CTNND2: variants seen among roughly 807,000 people sequenced by gnomAD.
CTNND2 encodes the protein catenin delta 2, also known as catenin delta-2.
Under a neutral mutation model 144.4 loss-of-function variants are expected in CTNND2, and 22 were observed. The ratio of observed to expected loss-of-function variants is 0.15; its 90% confidence interval spans 0.11 to 0.22. The LOEUF (loss-of-function observed/expected upper bound fraction) is 0.22. Among genes scored for constraint, CTNND2 ranks in the 10% least tolerant of loss-of-function variants. The pLI is 1.00. For missense variants in CTNND2, 1,353 were observed against 1,618.8 expected (o/e 0.84, Z 2.82); for synonymous variants, 751 against 695.6 (o/e 1.08, Z -1.25).
At chr5:11,282,939 C>T (rs746402624) in intron 9 of CTNND2, among the ~76,000 whole-genome samples, 4 of 152,248 alleles carry the variant, frequency 2.6e-5, no homozygotes, top group East Asian at 1.9e-4. Context: ...AAACTTGCCT[C>T]GTTCTAGCAC....
intron 2 of CTNND2, among the ~76,000 whole-genome samples, chr5:11,719,831 TATACACACAC>T (rs1269812559): frequency 2.0e-4 from 22 of 109,484 alleles, no homozygotes; most frequent in African/African-American, 7.9e-4. Context: ...AGCTCTGACA[TATACACACAC>T]ACACACACAC....
chr5:11,862,278 T>C (rs377269471), intron 1 of CTNND2, among the ~76,000 whole-genome samples: 7 of 152,340 alleles, frequency 4.6e-5, no homozygotes, highest in African/African-American at 1.7e-4. Flanking sequence ...GAATAATTTA[T>C]GGAAAATAGA....
intron 9 of CTNND2, among the ~76,000 whole-genome samples, chr5:11,341,036 T>TA (rs1214449123): frequency 6.6e-6 from 1 of 152,188 alleles, no homozygotes. Flanking sequence ...AAGTAACACT[T>TA]ACTCTCTTTC....
intron 1 of CTNND2, among the ~76,000 whole-genome samples, chr5:11,792,752 A>G (rs1402948035): frequency 6.6e-6 from 1 of 152,242 alleles, no homozygotes; most frequent in Non-Finnish European, 1.5e-5. Flanking sequence ...TAAAACAGCA[A>G]TGTCCTCTTA....
intron 5 of CTNND2, among the ~76,000 whole-genome samples, chr5:11,399,858 C>T (rs76360369): frequency 1.3e-5 from 2 of 152,196 alleles, no homozygotes; most frequent in East Asian, 3.8e-4. Context: ...ATAGCCAAAA[C>T]CATGTATGCA....
At chr5:11,378,451 T>C (rs1185396931) in intron 7 of CTNND2, among the ~76,000 whole-genome samples, 3 of 152,154 alleles carry the variant, frequency 2.0e-5, no homozygotes, top group Non-Finnish European at 4.4e-5. Context: ...CTTTACAAGG[T>C]TAAAGTTGAT....
At chr5:11,059,439 G>A (rs1218099677) in intron 16 of CTNND2, among the ~76,000 whole-genome samples, 1 of 152,106 alleles carries the variant, frequency 6.6e-6, no homozygotes, top group Admixed American at 6.5e-5. Flanking sequence ...GCTCCTCCTT[G>A]CCTTCCACCA....
chr5:11,823,074 A>G (rs533952593), intron 1 of CTNND2, among the ~76,000 whole-genome samples: 1 of 152,358 alleles, frequency 6.6e-6, no homozygotes, highest in South Asian at 2.1e-4. Flanking sequence ...ATTTAACTCC[A>G]AATTCCTTGA....
intron 21 of CTNND2, among the ~76,000 whole-genome samples, chr5:10,980,982 T>C (rs1310547408): frequency 6.6e-6 from 1 of 152,076 alleles, no homozygotes; most frequent in Non-Finnish European, 1.5e-5. Flanking sequence ...CCGTGGCACG[T>C]GTATACCTAT....
intron 9 of CTNND2, among the ~76,000 whole-genome samples, chr5:11,330,481 C>T (rs1176927941): frequency 5.0e-5 from 1 of 19,812 alleles, no homozygotes; most frequent in Non-Finnish European, 9.3e-5. Flanking sequence ...GAGACTCCGT[C>T]TCAAAAAAAA....
intron 15 of CTNND2, among the ~76,000 whole-genome samples, chr5:11,088,327 G>C (rs1418676665): frequency 6.6e-6 from 1 of 152,162 alleles, no homozygotes; most frequent in East Asian, 1.9e-4. Flanking sequence ...AAATGAAACT[G>C]CTCACACTAC....
At chr5:11,484,053 G>A (rs1768551799) in intron 3 of CTNND2, among the ~76,000 whole-genome samples, 1 of 152,192 alleles carries the variant, frequency 6.6e-6, no homozygotes, top group South Asian at 2.1e-4. Context: ...GCTCCCCCCA[G>A]CCAGGCTGTC....
chr5:11,303,534 G>A (rs1332928353), intron 9 of CTNND2, among the ~76,000 whole-genome samples: 1 of 152,164 alleles, frequency 6.6e-6, no homozygotes, highest in Non-Finnish European at 1.5e-5. Flanking sequence ...GCAAACTGCT[G>A]AAGCGGATGC....
chr5:11,724,769 T>A (rs891253218), intron 2 of CTNND2, among the ~76,000 whole-genome samples: 3 of 152,228 alleles, frequency 2.0e-5, no homozygotes, highest in South Asian at 2.1e-4. Flanking sequence ...TAATTTTAAT[T>A]TTTAATTTGA....
At chr5:11,130,843 T>A (rs1388550157) in intron 12 of CTNND2, among the ~76,000 whole-genome samples, 1 of 152,144 alleles carries the variant, frequency 6.6e-6, no homozygotes, top group Non-Finnish European at 1.5e-5. Context: ...CCACAATGTT[T>A]TACTCTGGCA....
chr5:11,101,820 CCAGGACAGCAG>C (rs1751909892), intron 14 of CTNND2, among the ~76,000 whole-genome samples: 2 of 151,634 alleles, frequency 1.3e-5, no homozygotes, highest in Admixed American at 1.3e-4. Flanking sequence ...CAAAGTATTT[CCAGGACAGCAG>C]TGGTGGCAAT....
intron 19 of CTNND2, among the ~76,000 whole-genome samples, chr5:10,991,412 C>G (rs372938607): frequency 4.5e-4 from 68 of 152,302 alleles, no homozygotes; most frequent in African/African-American, 1.5e-3. Flanking sequence ...ACATAGCTGT[C>G]ATCTGTGTGG....
At chr5:11,874,862 T>C (rs1735440012) in intron 1 of CTNND2, among the ~76,000 whole-genome samples, 1 of 152,310 alleles carries the variant, frequency 6.6e-6, no homozygotes, top group Non-Finnish European at 1.5e-5. Flanking sequence ...GCCTGTACTA[T>C]TCCCAGGTAA....
At chr5:11,247,521 C>A (rs1561088698) in intron 9 of CTNND2, among the ~76,000 whole-genome samples, 1 of 152,176 alleles carries the variant, frequency 6.6e-6, no homozygotes, top group African/African-American at 2.4e-5. Context: ...TTTCTCCTGG[C>A]TGGTAAAGTG....
Sources: allele counts gnomAD v4.1 joint callset (sites outside exome capture counted in the v4.1 genomes callset), GRCh38; gene constraint gnomAD v4.1.1; transcripts MANE v1.5; gene names NCBI Gene and HGNC (gene_info 2026-07-23, HGNC 2026-07-21).